CELF5: variants seen among roughly 807,000 people sequenced by gnomAD.
The protein encoded by CELF5 is CUG-BP and ETR-3 like factor 5.
Under a neutral mutation model 54.9 loss-of-function variants are expected in CELF5, and 6 were observed. That is an observed-to-expected ratio of 0.11 (90% confidence interval 0.06 to 0.22). The LOEUF is 0.22. CELF5 is among the 10% of genes least tolerant of loss of function. The probability of loss-of-function intolerance (pLI) is 1.00; values close to 1 mark genes in which losing one functional copy is unlikely to be tolerated. For synonymous variants in CELF5, 271 were observed against 290.9 expected (o/e 0.93, Z 0.70); for missense variants, 401 against 678.6 (o/e 0.59, Z 4.54).
chr19:3,287,280 C>T (rs2080268334), intron 10 of CELF5, among the ~76,000 whole-genome samples: 1 of 150,900 alleles, frequency 6.6e-6, no homozygotes, highest in Non-Finnish European at 1.5e-5. Flanking sequence ...AAACAGTAGG[C>T]CAATCGAGGT....
In CELF5 at chr19:3,293,430, C is replaced by G. The variant is rs776342144; in HGVS notation, c.1442C>G (p.Pro481Arg). The change falls in exon 12 of 13, where the codon CCG becomes CGG. Residue 481 changes from proline (P) to arginine (R), a missense_variant. By Grantham distance (103) the Pro-to-Arg change is moderately radical (BLOSUM62 -2). This residue lies in a region of CELF5 where 59 missense variants were observed against 128.8 expected (regional missense o/e 0.46). Transcript: ENST00000292672. The stretch of plus-strand genomic sequence containing the variant: ...GTCCAGCTGAAGCGGCCCAAAGACC[C>G]GGGACACCCCTACTGACCGCGCCCA... ...LKVQLKRPKDPGHPY is the reference protein window; with the variant it reads ...LKVQLKRPKDRGHPY 6.2e-7 allele frequency: 1 copy of G among 1,613,962 alleles called. No individual in the cohort carries two copies. Among genetic ancestry groups the G allele is most frequent in the African/African-American group, 1.3e-5 (1 of 74,924 alleles).
chr19:3,265,483 A>C (rs1053763136), intron 2 of CELF5, among the ~76,000 whole-genome samples: 2 of 152,224 alleles, frequency 1.3e-5, no homozygotes, highest in Non-Finnish European at 2.9e-5. Context: ...GCAGTTCTGC[A>C]GGTATATTTG....
intron 4 of CELF5, among the ~76,000 whole-genome samples, chr19:3,277,065 G>A (rs2080067956): frequency 6.6e-6 from 1 of 152,222 alleles, no homozygotes; most frequent in African/African-American, 2.4e-5. Flanking sequence ...AAATGACGGT[G>A]TCTGGCGGTC....
At chr19:3,265,344 A>G (rs936828810) in intron 2 of CELF5, among the ~76,000 whole-genome samples, 5 of 152,178 alleles carry the variant, frequency 3.3e-5, no homozygotes, top group African/African-American at 1.2e-4. Flanking sequence ...CACCTGGGAA[A>G]GAATTCAAGG....
At chr19:3,293,511 C>T in intron 12 of CELF5, 25 bp downstream of exon 12, 3 of 1,575,500 alleles carry the variant, frequency 1.9e-6, no homozygotes, top group Non-Finnish European at 2.6e-6. Context: ...GGCCCCACCC[C>T]CGCCCAAGCC....
Position 3,268,888 on chromosome 19 carries a change from C to T in CELF5, c.343-4984C>T, listed in dbSNP as rs2079919566. The stretch of plus-strand genomic sequence containing the variant: ...AGCGGGGGGGCATTCTGTCACCAGC[C>T]ACGTTCAGGGGGCCATGGCAGGAGG... On this transcript the variant is annotated intron_variant, in intron 2 of 12. Transcript: ENST00000292672. The surrounding 1 kb of genome is among the most constrained non-coding windows in gnomAD (Gnocchi z 4.4). 6.6e-6 allele frequency among the ~76,000 whole-genome samples: 1 copy of T among 151,622 alleles called. No homozygotes were observed. Among genetic ancestry groups the T allele is most frequent in the South Asian group, 2.1e-4 (1 of 4,786 alleles).
intron 2 of CELF5, among the ~76,000 whole-genome samples, chr19:3,271,465 C>G (rs1205776844): frequency 1.3e-5 from 2 of 152,086 alleles, no homozygotes; most frequent in African/African-American, 4.8e-5. Context: ...CAGGGTCCCT[C>G]TGAGGGTGCG....
chr19:3,253,853 C>T (rs1004008251), intron 2 of CELF5, among the ~76,000 whole-genome samples: 4 of 152,152 alleles, frequency 2.6e-5, no homozygotes, highest in Admixed American at 1.3e-4. Flanking sequence ...GAAATCTGTA[C>T]ATAGATGGAG....
chr19:3,248,188 C>G (rs1454445436), intron 1 of CELF5, among the ~76,000 whole-genome samples: 1 of 152,148 alleles, frequency 6.6e-6, no homozygotes, highest in African/African-American at 2.4e-5. Context: ...CAGGGTCTCA[C>G]TCTGTTGCCT....
intron 5 of CELF5, among the ~76,000 whole-genome samples, chr19:3,280,066 C>T (rs1408097036): frequency 6.6e-6 from 1 of 152,216 alleles, no homozygotes; most frequent in Non-Finnish European, 1.5e-5. Context: ...CAGACAGACA[C>T]TCCCTGGCTC....
intron 1 of CELF5, among the ~76,000 whole-genome samples, chr19:3,244,410 G>A (rs1236928437): frequency 3.4e-5 from 5 of 148,446 alleles, no homozygotes; most frequent in Non-Finnish European, 6.0e-5. Context: ...CATGCATTGT[G>A]TGTATGTGTG....
In CELF5 at chr19:3,228,587, C is replaced by T. The variant is rs1278112776; in HGVS notation, c.259+3589C>T. Among the ~76,000 whole-genome samples, 1 of 120,334 alleles carries T rather than the reference C, an allele frequency of 8.3e-6. No individual in the cohort carries two copies. The highest frequency in any genetic ancestry group is 8.4e-5 in the Admixed American group (1 of 11,900). 78.9% of individuals were successfully genotyped at this position (120,334 alleles called of 152,430 possible). On this transcript the variant is annotated intron_variant, in intron 1 of 12. Transcript: ENST00000292672. The surrounding 1 kb of genome is among the most constrained non-coding windows in gnomAD (Gnocchi z 6.0). The stretch of plus-strand genomic sequence containing the variant: ...GTTAATGACAATATTTGTCTTAAAG[C>T]GGAGGTTGCGCTGGGGGACGGTGCA...
intron 1 of CELF5, among the ~76,000 whole-genome samples, chr19:3,233,489 G>A (rs1917368713): frequency 6.6e-6 from 1 of 152,162 alleles, no homozygotes; most frequent in South Asian, 2.1e-4. Context: ...TTCCTTGGGG[G>A]CCAGAGATGG....
intron 1 of CELF5, among the ~76,000 whole-genome samples, chr19:3,244,346 TGTGTGTGTA>T (rs1199146479): frequency 6.6e-6 from 1 of 151,710 alleles, no homozygotes; most frequent in African/African-American, 2.4e-5. Context: ...ATTATTGCAT[TGTGTGTGTA>T]GTGTGTGGTG....
In CELF5 at chr19:3,278,782, G is replaced by A. The variant is rs2080100137; in HGVS notation, c.603+672G>A. ...TGTGAGTATATGCAGGTCTGTGTGA[G>A]TATAGGTTGTGAGTGGGTGAGTGTG... On this transcript the variant is annotated intron_variant, in intron 5 of 12. Transcript: ENST00000292672. The surrounding 1 kb of genome is among the most constrained non-coding windows in gnomAD (Gnocchi z 4.5). Among the ~76,000 whole-genome samples, 1 of 151,904 alleles carries A rather than the reference G, an allele frequency of 6.6e-6. No individual in the cohort carries two copies. The highest frequency in any genetic ancestry group is 1.5e-5 in the Non-Finnish European group (1 of 67,962).
At chr19:3,293,918 C>T (rs1350827950) in intron 12 of CELF5, 1 of 161,004 alleles carries the variant, frequency 6.2e-6, no homozygotes, top group African/African-American at 2.4e-5. Context: ...GACCCCAAAC[C>T]CTAAGGTTGG....
intron 4 of CELF5, 51 bp from the exon 5 acceptor site, chr19:3,277,980 C>T (rs2080083757): frequency 6.8e-7 from 1 of 1,480,118 alleles, no homozygotes; most frequent in East Asian, 2.3e-5. Flanking sequence ...CCCCGCTCAG[C>T]CAGTCCTGTG....
chr19:3,262,823 C>T (rs2079823639), intron 2 of CELF5, among the ~76,000 whole-genome samples: 1 of 151,676 alleles, frequency 6.6e-6, no homozygotes, highest in Admixed American at 6.6e-5. Context: ...CCTGTCATCC[C>T]AGCTACTTGG....
At chr19:3,255,721 C>T (rs888714168) in intron 2 of CELF5, among the ~76,000 whole-genome samples, 9 of 152,112 alleles carry the variant, frequency 5.9e-5, no homozygotes, top group African/African-American at 1.9e-4. Flanking sequence ...TCTTTATCTC[C>T]AATATGGGTA....
Sources: gnomAD v4.1 joint callset for allele counts (sites outside exome capture counted in the v4.1 genomes callset) on GRCh38, gnomAD v4.1.1 for gene constraint, gnomAD v4.1.1 regional missense constraint, Gnocchi (gnomAD v3.1) non-coding constraint, MANE v1.5 for transcripts, NCBI Gene and HGNC (gene_info 2026-07-23, HGNC 2026-07-21) for gene names.